AMPD1: variants seen among roughly 807,000 people sequenced by gnomAD.
AMPD1 encodes the protein adenosine monophosphate deaminase 1.
AMPD1 carries 74 observed loss-of-function variants against 82.9 expected under a neutral mutation model. That is an observed-to-expected ratio of 0.89 (90% CI 0.74 to 1.08). The LOEUF (loss-of-function observed/expected upper bound fraction) is 1.08. AMPD1 is among the 50% of genes least tolerant of loss of function. AMPD1 has a pLI of 0.00. For synonymous variants in AMPD1, 333 were observed against 320.5 expected (o/e 1.04, Z -0.42); for missense variants, 881 against 924.5 (o/e 0.95, Z 0.61).
chr1:114,695,460 G>A lies in AMPD1; in HGVS notation c.12C>T (p.Phe4=). The change falls in exon 1 of 16, where the codon TTC becomes TTT. Residue 4 remains phenylalanine, a synonymous_variant. Transcript: ENST00000520113. MPL[F]KLPAEEKQID... is the part of the protein sequence containing the mutation. ...ACTTTGTACACCTACCTGGGAGTTT[G>A]AACAGAGGCATTGTTGCTGAAATCC... The A allele has an allele frequency of 1.2e-6, 2 of 1,613,322 alleles. No homozygotes were observed. The highest frequency in any genetic ancestry group is 1.7e-6 in the Non-Finnish European group (2 of 1,179,852).
At chr1:114,679,527 T>C in intron 7 of AMPD1, 52 bp downstream of exon 7, 4 of 1,606,632 alleles carry the variant, frequency 2.5e-6, no homozygotes, top group Non-Finnish European at 3.4e-6. Flanking sequence ...TCTCAATAAA[T>C]AATTGAATTG....
intron 2 of AMPD1, 125 bp downstream of exon 2, chr1:114,693,311 T>G (rs1002856643): frequency 3.1e-6 from 3 of 976,590 alleles, no homozygotes; most frequent in Non-Finnish European, 4.9e-6. Context: ...GAATCTTTGT[T>G]GACTTTCAAG....
chr1:114,684,592 C>G (rs1455953267), intron 4 of AMPD1: 1 of 588,082 alleles, frequency 1.7e-6, no homozygotes, highest in Non-Finnish European at 3.0e-6. Context: ...ACCTGTCCTA[C>G]TAGTCTTTCC....
intron 2 of AMPD1, among the ~76,000 whole-genome samples, chr1:114,689,839 T>C (rs1473508441): frequency 6.6e-6 from 1 of 152,054 alleles, no homozygotes; most frequent in Non-Finnish European, 1.5e-5. Context: ...AAAACCAGTG[T>C]CATCATATAG....
chr1:114,677,527 G>T lies in AMPD1; in HGVS notation c.1225-13C>A, dbSNP rs373837097. 19 of 1,613,702 alleles carry T rather than the reference G, an allele frequency of 1.2e-5. No homozygotes were observed. Among genetic ancestry groups the T allele is most frequent in the Non-Finnish European group, 1.6e-5 (19 of 1,179,948 alleles). ...CCGCACCTACCTCCTGCAAAGCCAAGAGAGAAGTCCAAGCCAGGGATTCCC... is the reference window on the plus strand; with the variant it reads ...CCGCACCTACCTCCTGCAAAGCCAATAGAGAAGTCCAAGCCAGGGATTCCC... On this transcript the variant is annotated splice_polypyrimidine_tract_variant and intron_variant, in intron 9 of 15. Transcript: ENST00000520113.
intron 5 of AMPD1, among the ~76,000 whole-genome samples, chr1:114,682,581 CT>C (rs538227539): frequency 0.02 from 2,825 of 141,136 alleles, 66 homozygotes; most frequent in African/African-American, 0.063. Flanking sequence ...CTTCAAAAAT[CT>C]TTTTTTTTTT....
chr1:114,677,626 G>C (rs1392135932), intron 9 of AMPD1, 112 bp from the exon 10 acceptor site: 2 of 1,438,296 alleles, frequency 1.4e-6, no homozygotes, highest in Non-Finnish European at 9.6e-7. Flanking sequence ...AAAAGGCTAG[G>C]TCCTTAATCA....
rs1455109686 is a variant in AMPD1 at position 114,694,079 on chromosome 1, C to T, written c.23-632G>A. Among the ~76,000 whole-genome samples, 7 of 151,972 alleles carry T rather than the reference C, an allele frequency of 4.6e-5. No homozygotes were observed. In the East Asian group the frequency reaches 9.6e-4, roughly 21 times the overall value. Reference sequence around the variant, plus strand: ...ACTAAAAATATAAAAATTAGCCGGGCGTGGTGGCAGGCGCCTGTAGTCCCA... The same window carrying T: ...ACTAAAAATATAAAAATTAGCCGGGTGTGGTGGCAGGCGCCTGTAGTCCCA... On this transcript the variant is annotated intron_variant, in intron 1 of 15. Coordinates refer to ENST00000520113, the MANE Select transcript of AMPD1 (RefSeq NM_000036.3).
Position 114,680,373 on chromosome 1 carries a change from T to G in AMPD1, c.653A>C (p.Tyr218Ser), listed in dbSNP as rs764864128. The change falls in exon 6 of 16, where the codon TAT (tyrosine) becomes TCT (serine). Residue 218 changes from tyrosine (Y) to serine (S), a missense_variant. Tyr to Ser is a moderately radical substitution (Grantham distance 144, BLOSUM62 -2). Around this residue, in one of 2 missense-constraint regions of AMPD1, gnomAD observed 783 missense variants for 786.4 expected, o/e 1.00. Coordinates refer to ENST00000520113, the MANE Select transcript of AMPD1 (RefSeq NM_000036.3). ...TTTGCTGACTGCTGCTTCATTAGGA[T>G]AGACGTAAACTACACCGTCCTTCAT... ...LKMKDGVVYV[Y>S]PNEAAVSKDE... is the part of the protein sequence containing the mutation. 2.6e-5 allele frequency: 42 copies of G among 1,614,092 alleles called. No individual in the cohort carries two copies. The highest frequency in any genetic ancestry group is 3.5e-5 in the Non-Finnish European group (41 of 1,180,052).
chr1:114,681,279 C>T (rs552077098), intron 5 of AMPD1, among the ~76,000 whole-genome samples: 55 of 151,968 alleles, frequency 3.6e-4, no homozygotes, highest in South Asian at 8.3e-4. Flanking sequence ...CTTGGGTTCC[C>T]AGTAAAATAA....
chr1:114,684,856 G>T (rs1490818598), intron 4 of AMPD1, among the ~76,000 whole-genome samples: 1 of 152,112 alleles, frequency 6.6e-6, no homozygotes. Flanking sequence ...ACCCATGCAC[G>T]GCTTTCTTCA....
intron 2 of AMPD1, among the ~76,000 whole-genome samples, chr1:114,692,107 C>CT (rs1449592165): frequency 8.5e-5 from 13 of 152,152 alleles, no homozygotes; most frequent in African/African-American, 3.1e-4. Flanking sequence ...TACTTTAAAA[C>CT]TATGCAGTAC....
At chr1:114,675,830 G>T (rs759632948) in intron 11 of AMPD1, 47 bp downstream of exon 11, 1 of 1,613,880 alleles carries the variant, frequency 6.2e-7, no homozygotes, top group Admixed American at 1.7e-5. Flanking sequence ...CAGGTAGGAA[G>T]GCTGGTTCAT....
In AMPD1 at chr1:114,693,441, T is replaced by A. The variant is rs1288422903; in HGVS notation, c.29A>T (p.Glu10Val). 1.9e-6 allele frequency: 3 copies of A among 1,609,526 alleles called. No individual in the cohort carries two copies. The highest frequency in any genetic ancestry group is 2.6e-6 in the Non-Finnish European group (3 of 1,176,208). The change falls in exon 2 of 16, where the codon GAG becomes GTG. Residue 10 changes from glutamate to valine, a missense_variant. Physicochemically the swap from Glu to Val is moderately radical, Grantham distance 121. This residue lies in a region of AMPD1 where 783 missense variants were observed against 786.4 expected (regional missense o/e 1.00). Transcript: ENST00000520113. MPLFKLPAE[E>V]KQIDDAMRNF... ...AAAAGTAATGCAATACTCACGTTTC[T>A]CTTCAGCTGTATGAAGTAAAATAAA...
At chr1:114,676,228 CT>C in intron 10 of AMPD1, 2 of 510,990 alleles carry the variant, frequency 3.9e-6, no homozygotes, top group Non-Finnish European at 7.0e-6. Context: ...ATGTCCCCAT[CT>C]TTTTTACAAA....
chr1:114,676,269 A>T, intron 10 of AMPD1: 1 of 431,956 alleles, frequency 2.3e-6, no homozygotes, highest in Non-Finnish European at 4.3e-6. Context: ...AAACCTTCAC[A>T]GCTAAGTCCT....
Position 114,674,799 on chromosome 1 carries a change from C to T in AMPD1, c.1753G>A (p.Ala585Thr), listed in dbSNP as rs775529261. 5 of 1,613,430 alleles carry T rather than the reference C, an allele frequency of 3.1e-6. No individual in the cohort carries two copies. In the Admixed American group the frequency reaches 8.3e-5, roughly 27 times the overall value. ...EAGALTHLMT[A>T]FMIADDISHG... ...GAGATATCATCTGCTATCATGAATG[C>T]TGTCATGAGATGGGTGAGGGCTCCA... The change falls in exon 13 of 16, where the codon GCA (alanine) becomes ACA (threonine). Residue 585 changes from alanine to threonine, a missense_variant. By Grantham distance (58) the Ala-to-Thr change is moderately conservative. Transcript: ENST00000520113.
At chr1:114,691,882 G>T (rs1658526953) in intron 2 of AMPD1, among the ~76,000 whole-genome samples, 1 of 151,098 alleles carries the variant, frequency 6.6e-6, no homozygotes, top group Non-Finnish European at 1.5e-5. Context: ...CCGAGATTAT[G>T]CTACTGCACT....
intron 5 of AMPD1, among the ~76,000 whole-genome samples, chr1:114,681,090 A>T (rs1484817859): frequency 6.6e-6 from 1 of 152,246 alleles, no homozygotes; most frequent in East Asian, 1.9e-4. Flanking sequence ...TTATTTACTG[A>T]AGTTTGTCAT....
Sources: allele counts gnomAD v4.1 joint callset (sites outside exome capture counted in the v4.1 genomes callset), GRCh38; gene constraint gnomAD v4.1.1; regional missense constraint gnomAD v4.1.1; transcripts MANE v1.5; gene names NCBI Gene and HGNC (gene_info 2026-07-23, HGNC 2026-07-21).